PHACTR3: variants seen among roughly 807,000 people sequenced by gnomAD.
The protein encoded by PHACTR3 is protein phosphatase 1, regulatory subunit 123.
In PHACTR3, 16 loss-of-function variants were observed where a neutral mutation model predicts 66.8. The observed-to-expected ratio is 0.24, with a 90% CI of 0.16 to 0.36. The LOEUF (loss-of-function observed/expected upper bound fraction) is 0.36. Among genes scored for constraint, PHACTR3 ranks in the 10% least tolerant of loss-of-function variants. PHACTR3 has a pLI of 1.00. For synonymous variants in PHACTR3, 323 were observed against 292.1 expected (o/e 1.11, Z -1.08); for missense variants, 647 against 719.9 (o/e 0.90, Z 1.16).
intron 1 of PHACTR3, among the ~76,000 whole-genome samples, chr20:59,586,344 T>G (rs1300028035): frequency 6.6e-6 from 1 of 152,248 alleles, no homozygotes; most frequent in Non-Finnish European, 1.5e-5. Context: ...CTGTATGAAC[T>G]GCACATTCTC....
intron 9 of PHACTR3, among the ~76,000 whole-genome samples, chr20:59,839,442 G>GC (rs2059018710): frequency 6.6e-6 from 1 of 152,138 alleles, no homozygotes; most frequent in African/African-American, 2.4e-5. Flanking sequence ...TGTGTTAATT[G>GC]CAAGTGGCAG....
rs142853624 is a variant in PHACTR3, at chr20:59,829,124, G to T, written c.1329-7381G>T. Reference sequence around the variant, plus strand: ...CTGGGCACGGAGCAGGTGTGAGGAGGTGGGGAACAGGGTGTGAAAAGGTCG... The same window carrying T: ...CTGGGCACGGAGCAGGTGTGAGGAGTTGGGGAACAGGGTGTGAAAAGGTCG... On this transcript the variant is annotated intron_variant, in intron 8 of 12. Transcript: ENST00000371015. This position sits in a 1 kb window ranked among gnomAD's most constrained non-coding sequence, Gnocchi z 4.2. 1.9e-4 allele frequency among the ~76,000 whole-genome samples: 29 copies of T among 152,200 alleles called. No individual in the cohort carries two copies. The highest frequency in any genetic ancestry group is 6.7e-4 in the African/African-American group (28 of 41,514).
intron 8 of PHACTR3, among the ~76,000 whole-genome samples, chr20:59,821,113 C>T (rs186521003): frequency 5.0e-4 from 76 of 152,220 alleles, no homozygotes; most frequent in African/African-American, 1.8e-3. Flanking sequence ...AAACATAAGA[C>T]GTAAATGCTA....
chr20:59,723,062 CT>C (rs372191467), intron 1 of PHACTR3, among the ~76,000 whole-genome samples: 671 of 45,146 alleles, frequency 0.015, 15 homozygotes, highest in African/African-American at 0.055. Context: ...CTTTCTTTCT[CT>C]TTCTTTCTTT....
chr20:59,607,143 C>CA (rs909836484), intron 1 of PHACTR3, among the ~76,000 whole-genome samples: 2 of 152,130 alleles, frequency 1.3e-5, no homozygotes, highest in African/African-American at 4.8e-5. Context: ...ATGGTGGACT[C>CA]AGTTCTTCCT....
chr20:59,790,829 A>G (rs1317096033), intron 7 of PHACTR3, among the ~76,000 whole-genome samples: 1 of 152,234 alleles, frequency 6.6e-6, no homozygotes, highest in Non-Finnish European at 1.5e-5. Context: ...ATGTGGGCAG[A>G]GAAAGGAATA....
At chr20:59,624,597 G>A (rs1468725456) in intron 1 of PHACTR3, among the ~76,000 whole-genome samples, 1 of 152,078 alleles carries the variant, frequency 6.6e-6, no homozygotes, top group Non-Finnish European at 1.5e-5. Context: ...CTGGCAGCCG[G>A]GTGTGCAGGC....
intron 7 of PHACTR3, among the ~76,000 whole-genome samples, chr20:59,780,301 C>T (rs905688705): frequency 3.3e-5 from 5 of 152,226 alleles, no homozygotes; most frequent in Non-Finnish European, 7.3e-5. Context: ...TTCATCCATG[C>T]TGTAGTCTTA....
chr20:59,662,013 C>A (rs1472817769), intron 1 of PHACTR3, among the ~76,000 whole-genome samples: 1 of 152,134 alleles, frequency 6.6e-6, no homozygotes, highest in Non-Finnish European at 1.5e-5. Flanking sequence ...CGGTGCTGCA[C>A]AGGAGACCCC....
intron 1 of PHACTR3, among the ~76,000 whole-genome samples, chr20:59,613,141 A>T (rs763050285): frequency 5.9e-5 from 9 of 152,148 alleles, no homozygotes; most frequent in Non-Finnish European, 1.3e-4. Flanking sequence ...TTCAAACCCT[A>T]TCGGATATGA....
At chr20:59,585,475 T>C (rs1487199609) in intron 1 of PHACTR3, among the ~76,000 whole-genome samples, 2 of 152,110 alleles carry the variant, frequency 1.3e-5, no homozygotes, top group Non-Finnish European at 2.9e-5. Flanking sequence ...TACAGCCGAG[T>C]CCTGTGAGTC....
chr20:59,674,694 TGCCTTCTCCTG>T (rs2036358439), intron 1 of PHACTR3, among the ~76,000 whole-genome samples: 2 of 43,936 alleles, frequency 4.6e-5, no homozygotes, highest in Non-Finnish European at 7.5e-5. Context: ...CTCCTGTTCC[TGCCTTCTCCTG>T]TCCCCCCTTC....
At chr20:59,722,076 A>G (rs1244363647) in intron 1 of PHACTR3, among the ~76,000 whole-genome samples, 1 of 152,040 alleles carries the variant, frequency 6.6e-6, no homozygotes, top group Non-Finnish European at 1.5e-5. Flanking sequence ...TAAAAAATAC[A>G]GAAAAATTAG....
intron 8 of PHACTR3, chr20:59,835,749 C>T (rs2042507280): frequency 6.6e-6 from 1 of 152,156 alleles, no homozygotes. Flanking sequence ...TGAGAGACCA[C>T]TTGAAAAAGA....
At chr20:59,678,905 G>T (rs941487648) in intron 1 of PHACTR3, among the ~76,000 whole-genome samples, 1 of 138,220 alleles carries the variant, frequency 7.2e-6, no homozygotes, top group Non-Finnish European at 1.5e-5. Flanking sequence ...TGGAGGGGCT[G>T]TTACAAAGGC....
At chr20:59,722,222 ACT>A (rs1240534420) in intron 1 of PHACTR3, among the ~76,000 whole-genome samples, 1 of 149,696 alleles carries the variant, frequency 6.7e-6, no homozygotes, top group Non-Finnish European at 1.5e-5. Flanking sequence ...GCAGAGTGAG[ACT>A]CTGTCTCAAA....
intron 1 of PHACTR3, among the ~76,000 whole-genome samples, chr20:59,644,143 T>C (rs2035199445): frequency 2.0e-5 from 3 of 152,040 alleles, no homozygotes; most frequent in Admixed American, 1.3e-4. Flanking sequence ...AAGCCTCCAT[T>C]ATGAAGTCAA....
chr20:59,696,430 G>A (rs1372963807), intron 1 of PHACTR3, among the ~76,000 whole-genome samples: 1 of 152,160 alleles, frequency 6.6e-6, no homozygotes, highest in Non-Finnish European at 1.5e-5. Flanking sequence ...TCTCAGGCCC[G>A]TCGGGAAGAT....
At chr20:59,760,395 G>A (rs1173228601) in intron 4 of PHACTR3, among the ~76,000 whole-genome samples, 1 of 152,168 alleles carries the variant, frequency 6.6e-6, no homozygotes, top group African/African-American at 2.4e-5. Flanking sequence ...ATCTTGAATT[G>A]TAGCTCCCAT....
Sources: gnomAD v4.1 joint callset for allele counts (sites outside exome capture counted in the v4.1 genomes callset) on GRCh38, gnomAD v4.1.1 for gene constraint, Gnocchi (gnomAD v3.1) non-coding constraint, MANE v1.5 for transcripts, NCBI Gene and HGNC (gene_info 2026-07-23, HGNC 2026-07-21) for gene names.